The following TYW1B variants were observed in gnomAD, a reference collection of about 807,000 sequenced individuals.
The protein encoded by TYW1B is tRNA-yW synthesizing protein 1 homolog B.
Under a neutral mutation model 86.9 loss-of-function variants are expected in TYW1B, and 73 were observed. The observed-to-expected ratio is 0.84, with a 90% CI of 0.70 to 1.02. The LOEUF (loss-of-function observed/expected upper bound fraction) is 1.02. Among genes scored for constraint, TYW1B ranks in the 50% least tolerant of loss-of-function variants. The pLI is 0.00. For synonymous variants in TYW1B, 248 were observed against 292.8 expected (o/e 0.85, Z 1.56); for missense variants, 637 against 827.4 (o/e 0.77, Z 2.82).
At chr7:72,708,252 G>C (rs192226589) in intron 10 of TYW1B, among the ~76,000 whole-genome samples, 1 of 152,140 alleles carries the variant, frequency 6.6e-6, no homozygotes, top group Admixed American at 6.5e-5. Context: ...ACAAAGTCTA[G>C]ATTCCCCTGA....
chr7:72,720,741 C>T (rs1328558351), intron 9 of TYW1B, among the ~76,000 whole-genome samples: 1 of 152,094 alleles, frequency 6.6e-6, no homozygotes, highest in Non-Finnish European at 1.5e-5. Context: ...GAAACAGCCT[C>T]TAAATTTCTT....
intron 8 of TYW1B, among the ~76,000 whole-genome samples, chr7:72,733,159 A>AACACACACACACACACACACACAC (rs145935571): frequency 6.8e-6 from 1 of 147,110 alleles, no homozygotes; most frequent in African/African-American, 2.5e-5. Flanking sequence ...CCAAACCTAA[A>AACACACACACACACACACACACAC]ACACACACAC....
At chr7:72,628,219 G>C (rs1812402167) in intron 12 of TYW1B, among the ~76,000 whole-genome samples, 1 of 152,178 alleles carries the variant, frequency 6.6e-6, no homozygotes, top group South Asian at 2.1e-4. Flanking sequence ...AGAGTTGGAG[G>C]CTGCAGTAAG....
In TYW1B at chr7:72,806,841, T is replaced by C. The variant is rs145191897; in HGVS notation, c.723+225A>G. Reference sequence around the variant, plus strand: ...AAATTTAAAATTATTGTGGTAAAGATAGGGTATTGCTATGTTGCCCAGGCT... The same window carrying C: ...AAATTTAAAATTATTGTGGTAAAGACAGGGTATTGCTATGTTGCCCAGGCT... On this transcript the variant is annotated intron_variant, in intron 5 of 13. Coordinates refer to ENST00000620995, the MANE Select transcript of TYW1B (RefSeq NM_001145440.3). Among the ~76,000 whole-genome samples, 321 of 152,040 alleles carry C rather than the reference T, an allele frequency of 2.1e-3. 2 individuals are homozygous for C. Among genetic ancestry groups the C allele is most frequent in the African/African-American group, 7.3e-3 (303 of 41,486 alleles).
rs1172929306 is a variant in TYW1B at position 72,768,300 on chromosome 7, G to A, written c.964+9116C>T. ...CATACAGGTTGCTTAGGAGGAATCCGCCCAAACAACTCTGTCCGCCCCCTC... is the reference window on the plus strand; with the variant it reads ...CATACAGGTTGCTTAGGAGGAATCCACCCAAACAACTCTGTCCGCCCCCTC... On this transcript the variant is annotated intron_variant, in intron 7 of 13. Transcript: ENST00000620995. 2.0e-5 allele frequency among the ~76,000 whole-genome samples: 3 copies of A among 151,902 alleles called. No homozygotes were observed. In the South Asian group the frequency reaches 6.2e-4, roughly 32 times the overall value.
intron 9 of TYW1B, among the ~76,000 whole-genome samples, chr7:72,720,829 A>G (rs1786883160): frequency 6.6e-6 from 1 of 152,124 alleles, no homozygotes; most frequent in Non-Finnish European, 1.5e-5. Flanking sequence ...AACATGTGCC[A>G]TGTTGGCGTG....
At chr7:72,775,464 A>T (rs35998743) in intron 7 of TYW1B, among the ~76,000 whole-genome samples, 104,318 of 151,958 alleles carry the variant, frequency 0.69, 36,740 homozygotes, top group Non-Finnish European at 0.77. Flanking sequence ...AAACAAAAGG[A>T]TGACTGCTGA....
At position 72,602,833 on chromosome 7, in the gene TYW1B, A is replaced by AACACACACACACACACAC. The variant is rs55709140; in HGVS notation, c.1785+13821_1785+13838dup. Among the ~76,000 whole-genome samples the AACACACACACACACACAC allele has an allele frequency of 5.2e-4, 67 of 128,114 alleles. 1 individual carries two copies. The highest frequency in any genetic ancestry group is 1.8e-3 in the East Asian group (7 of 3,808). 84.0% of individuals were successfully genotyped at this position (128,114 alleles called of 152,430 possible). On this transcript the variant is annotated intron_variant, in intron 13 of 13. Coordinates refer to ENST00000620995, the MANE Select transcript of TYW1B (RefSeq NM_001145440.3). ...GTAGTGCCAGAAAGAAAGTGCTCAA[A>AACACACACACACACACAC]ACACACACACACACACACACACACA...
chr7:72,706,210 C>T (rs1165532702), intron 10 of TYW1B, among the ~76,000 whole-genome samples: 1 of 152,064 alleles, frequency 6.6e-6, no homozygotes, highest in African/African-American at 2.4e-5. Flanking sequence ...GGGGAGATCA[C>T]CTGAGGTCAG....
chr7:72,671,893 T>C (rs1486750008), intron 11 of TYW1B, among the ~76,000 whole-genome samples: 2 of 151,696 alleles, frequency 1.3e-5, no homozygotes, highest in East Asian at 3.9e-4. Context: ...CACACCATTA[T>C]GTAAGTGAGA....
chr7:72,589,354 G>A (rs1464943212), intron 13 of TYW1B, among the ~76,000 whole-genome samples: 5 of 152,170 alleles, frequency 3.3e-5, no homozygotes, highest in Admixed American at 2.0e-4. Context: ...TAATTTTGTG[G>A]GAAGGCAATA....
chr7:72,603,095 TG>T (rs1811708039), intron 13 of TYW1B, among the ~76,000 whole-genome samples: 1 of 46,908 alleles, frequency 2.1e-5, no homozygotes, highest in Non-Finnish European at 3.4e-5. Flanking sequence ...AGACAGATGA[TG>T]GATGGATGGA....
At chr7:72,671,806 T>TAA (rs1813607182) in intron 11 of TYW1B, among the ~76,000 whole-genome samples, 1 of 151,202 alleles carries the variant, frequency 6.6e-6, no homozygotes, top group Non-Finnish European at 1.5e-5. Context: ...CTTTATTCAC[T>TAA]TTATTAACTT....
intron 11 of TYW1B, among the ~76,000 whole-genome samples, chr7:72,654,493 G>A (rs1813150481): frequency 2.0e-5 from 3 of 152,198 alleles, no homozygotes; most frequent in African/African-American, 7.2e-5. Flanking sequence ...TTAAATGTAA[G>A]GTGCTATCCT....
At chr7:72,815,040 G>A (rs1350621525) in intron 3 of TYW1B, among the ~76,000 whole-genome samples, 1 of 143,294 alleles carries the variant, frequency 7.0e-6, no homozygotes, top group African/African-American at 2.6e-5. Flanking sequence ...CTACACTCCA[G>A]CCTGGGTGAC....
At chr7:72,616,889 T>C in intron 12 of TYW1B, 50 bp from the exon 13 acceptor site, 1 of 1,599,584 alleles carries the variant, frequency 6.3e-7, no homozygotes, top group Non-Finnish European at 8.5e-7. Flanking sequence ...TACCTGCATG[T>C]CATAGAAGAC....
intron 13 of TYW1B, among the ~76,000 whole-genome samples, chr7:72,581,328 T>C (rs1811145801): frequency 6.6e-6 from 1 of 150,870 alleles, no homozygotes; most frequent in South Asian, 2.1e-4. Flanking sequence ...GAGAAGACCC[T>C]ACTGACCAGC....
chr7:72,713,871 C>T lies in TYW1B; in HGVS notation c.1193-73G>A, dbSNP rs191030498. On this transcript the variant is annotated intron_variant, in intron 9 of 13. Coordinates refer to ENST00000620995, the MANE Select transcript of TYW1B (RefSeq NM_001145440.3). Reference sequence around the variant, plus strand: ...GGATGTCACGTTTTTCTTAATGATGCTTTGATTTTATAGAGCAAATTCATT... The same window carrying T: ...GGATGTCACGTTTTTCTTAATGATGTTTTGATTTTATAGAGCAAATTCATT... 2,272 of 1,465,862 alleles carry T rather than the reference C, an allele frequency of 1.5e-3. 26 individuals are homozygous for T. The African/African-American group carries it at 0.024, about 16-fold the overall frequency. 90.8% of individuals were successfully genotyped at this position (1,465,862 alleles called of 1,614,324 possible).
At chr7:72,800,651 T>C (rs1554475421) in intron 6 of TYW1B, among the ~76,000 whole-genome samples, 1 of 147,954 alleles carries the variant, frequency 6.8e-6, no homozygotes, top group Non-Finnish European at 1.5e-5. Context: ...TAATTAGAGA[T>C]ACCTTGTGGT....
Sources: gnomAD v4.1 joint callset for allele counts (sites outside exome capture counted in the v4.1 genomes callset) on GRCh38, gnomAD v4.1.1 for gene constraint, MANE v1.5 for transcripts, NCBI Gene and HGNC (gene_info 2026-07-23, HGNC 2026-07-21) for gene names.